Variants in NRG2 observed in about 807,000 individuals in gnomAD.
The protein encoded by NRG2 is neuregulin 2.
In NRG2, 27 loss-of-function variants were observed where a neutral mutation model predicts 73.9. The observed-to-expected ratio is 0.37, with a 90% CI of 0.27 to 0.50. NRG2 has a LOEUF of 0.50. Among genes scored for constraint, NRG2 ranks in the 20% least tolerant of loss-of-function variants. NRG2 has a pLI of 0.96. For synonymous variants in NRG2, 532 were observed against 541.0 expected, an observed-to-expected ratio of 0.98 and a Z score of 0.23; for missense variants, 1,126 against 1,210.1, an observed-to-expected ratio of 0.93 and a Z score of 1.03.
intron 1 of NRG2, among the ~76,000 whole-genome samples, chr5:139,900,225 C>T (rs145489650): frequency 1.3e-5 from 2 of 152,340 alleles, no homozygotes; most frequent in East Asian, 3.9e-4. Flanking sequence ...TCTGGTCTTA[C>T]CCTCGGTTCT....
rs571334467 is a variant in NRG2, at chr5:139,870,932, T to A, written c.1112+789A>T. The A allele has an allele frequency of 6.6e-6, 1 of 152,448 alleles. No individual in the cohort carries two copies. Among genetic ancestry groups the A allele is most frequent in the South Asian group, 2.1e-4 (1 of 4,832 alleles). The allele number at this position is 152,448 out of a possible 1,614,324, so 9.4% of individuals were successfully genotyped here. On this transcript the variant is annotated intron_variant, in intron 4 of 9. Coordinates refer to ENST00000361474, the MANE Select transcript of NRG2 (RefSeq NM_004883.3). This position sits in a 1 kb window ranked among gnomAD's most constrained non-coding sequence, Gnocchi z 4.4. ...GTGGGTGGTTCTGAGCTCCTTGGAG[T>A]TCCTGCTGGGGCCACCCTGCCTGGC...
At chr5:139,964,830 C>T (rs1277591812) in intron 1 of NRG2, among the ~76,000 whole-genome samples, 1 of 152,238 alleles carries the variant, frequency 6.6e-6, no homozygotes, top group Non-Finnish European at 1.5e-5. Context: ...CAAACCATAC[C>T]TATCTAGCCC....
At chr5:139,867,802 G>A (rs1220967756) in intron 4 of NRG2, among the ~76,000 whole-genome samples, 3 of 42,368 alleles carry the variant, frequency 7.1e-5, no homozygotes, top group African/African-American at 5.8e-4. Context: ...GTGTGTATGA[G>A]TGTGTGTGTG....
chr5:139,940,860 T>TA (rs1753342776), intron 1 of NRG2, among the ~76,000 whole-genome samples: 1 of 152,176 alleles, frequency 6.6e-6, no homozygotes, highest in South Asian at 2.1e-4. Flanking sequence ...AAGATGCTGA[T>TA]ACAGGGAAGT....
chr5:139,956,289 G>C (rs1754620309), intron 1 of NRG2, among the ~76,000 whole-genome samples: 1 of 152,078 alleles, frequency 6.6e-6, no homozygotes, highest in Non-Finnish European at 1.5e-5. Flanking sequence ...GAGGCTCCGA[G>C]CTGTCCCTGT....
At chr5:139,958,569 A>G (rs1754813635) in intron 1 of NRG2, among the ~76,000 whole-genome samples, 1 of 152,206 alleles carries the variant, frequency 6.6e-6, no homozygotes, top group Non-Finnish European at 1.5e-5. Flanking sequence ...GCTTACAAAC[A>G]GCTGAAGGGG....
At chr5:139,972,958 G>A (rs1041688560) in intron 1 of NRG2, among the ~76,000 whole-genome samples, 3 of 151,972 alleles carry the variant, frequency 2.0e-5, no homozygotes, top group African/African-American at 4.8e-5. Flanking sequence ...ATGAAATAAC[G>A]TTTTGCATAT....
At chr5:140,033,198 C>T (rs949787517) in intron 1 of NRG2, among the ~76,000 whole-genome samples, 1 of 152,136 alleles carries the variant, frequency 6.6e-6, no homozygotes, top group Admixed American at 6.5e-5. Context: ...AGTGTGAACC[C>T]ACTCCCAACC....
chr5:140,022,397 C>G (rs951060061), intron 1 of NRG2, among the ~76,000 whole-genome samples: 1 of 152,140 alleles, frequency 6.6e-6, no homozygotes, highest in East Asian at 1.9e-4. Flanking sequence ...GATTTAGTAC[C>G]CTTATGATTT....
intron 1 of NRG2, among the ~76,000 whole-genome samples, chr5:139,938,874 G>GAAGGAA: frequency 1.0e-5 from 1 of 98,674 alleles, no homozygotes; most frequent in Non-Finnish European, 1.9e-5. Flanking sequence ...GAGAGAGAGA[G>GAAGGAA]AGAGAGAAGG....
At chr5:139,888,156 C>T (rs1763992223) in intron 1 of NRG2, among the ~76,000 whole-genome samples, 1 of 151,666 alleles carries the variant, frequency 6.6e-6, no homozygotes, top group South Asian at 2.1e-4. Context: ...AGAGAAAGTA[C>T]TCTCTTCTCA....
intron 1 of NRG2, among the ~76,000 whole-genome samples, chr5:139,990,537 C>G (rs1757539815): frequency 6.6e-6 from 1 of 151,848 alleles, no homozygotes; most frequent in South Asian, 2.1e-4. Flanking sequence ...AACTCCTGGG[C>G]TCAAGTGATC....
intron 1 of NRG2, among the ~76,000 whole-genome samples, chr5:139,932,900 T>C (rs1253359285): frequency 6.6e-6 from 1 of 151,988 alleles, no homozygotes; most frequent in Non-Finnish European, 1.5e-5. Context: ...TTTAAAAATT[T>C]TAAAAAATCA....
intron 1 of NRG2, among the ~76,000 whole-genome samples, chr5:139,944,101 G>C (rs1216885346): frequency 1.3e-5 from 2 of 151,728 alleles, no homozygotes; most frequent in South Asian, 2.1e-4. Context: ...TTAAATAAAA[G>C]GTGTCCAGAT....
intron 1 of NRG2, among the ~76,000 whole-genome samples, chr5:139,890,169 A>G (rs1463097223): frequency 6.6e-6 from 1 of 152,106 alleles, no homozygotes; most frequent in East Asian, 1.9e-4. Flanking sequence ...ATCTTTGCCA[A>G]TTAGCTAGGC....
Position 139,887,611 on chromosome 5 carries a change from G to C in NRG2, c.701-100C>G. The C allele has an allele frequency of 9.5e-7, 1 of 1,052,360 alleles. No individual in the cohort carries two copies. Among genetic ancestry groups the C allele is most frequent in the South Asian group, 1.5e-5 (1 of 66,480 alleles). 65.2% of individuals were successfully genotyped at this position (1,052,360 alleles called of 1,614,324 possible). ...GGCCACTGTCTTTGGGCTGGAACTG[G>C]GGAAGGGAAGGGTGATCCTGAGAGC... On this transcript the variant is annotated intron_variant, in intron 1 of 9. Transcript: ENST00000361474. This position sits in a 1 kb window ranked among gnomAD's most constrained non-coding sequence, Gnocchi z 4.5.
At chr5:139,893,693 A>C (rs1208276183) in intron 1 of NRG2, among the ~76,000 whole-genome samples, 2 of 144,460 alleles carry the variant, frequency 1.4e-5, no homozygotes, top group African/African-American at 5.5e-5. Flanking sequence ...GGAAGCCCAG[A>C]GGCTACTTCA....
Position 139,851,586 on chromosome 5 carries a change from C to T in NRG2, c.1772+18G>A. 6.2e-7 allele frequency: 1 copy of T among 1,611,988 alleles called. No homozygotes were observed. Among genetic ancestry groups the T allele is most frequent in the African/African-American group, 1.3e-5 (1 of 75,022 alleles). On this transcript the variant is annotated intron_variant, in intron 9 of 9. Transcript: ENST00000361474. The surrounding 1 kb of genome is among the most constrained non-coding windows in gnomAD (Gnocchi z 4.2). ...CCCTCTGGCTAAGCGGGGAATAGGT[C>T]AGGGGGTAGGAACTGACCTCTCGCT...
intron 5 of NRG2, among the ~76,000 whole-genome samples, chr5:139,859,038 C>G (rs747905781): frequency 5.3e-5 from 8 of 152,174 alleles, no homozygotes; most frequent in Non-Finnish European, 1.0e-4. Flanking sequence ...AGCCCCCACC[C>G]TCTGAGCCCC....
Sources: allele counts gnomAD v4.1 joint callset (sites outside exome capture counted in the v4.1 genomes callset), GRCh38; gene constraint gnomAD v4.1.1; non-coding constraint Gnocchi (gnomAD v3.1); transcripts MANE v1.5; gene names NCBI Gene and HGNC (gene_info 2026-07-23, HGNC 2026-07-21).